Variants in MSRA observed in about 807,000 individuals in gnomAD.
The protein encoded by MSRA is mitochondrial peptide methionine sulfoxide reductase.
A neutral mutation model predicts 31.3 loss-of-function variants in MSRA; 54 were observed. That is an observed-to-expected ratio of 1.73 (90% CI 1.39 to 2.17). The LOEUF is 2.17. Ranked by LOEUF, MSRA falls within the 30% of genes most tolerant of loss-of-function variation. MSRA has a pLI of 0.00. For synonymous variants in MSRA, 169 were observed against 116.5 expected (o/e 1.45, Z -2.90); for missense variants, 507 against 300.9 (o/e 1.69, Z -5.07).
intron 1 of MSRA, among the ~76,000 whole-genome samples, chr8:10,158,035 G>A (rs1804305808): frequency 6.6e-6 from 1 of 152,178 alleles, no homozygotes; most frequent in African/African-American, 2.4e-5. Flanking sequence ...GGAGCCAGCA[G>A]ATTTGGTGTC....
chr8:10,120,823 A>C (rs749753618), intron 1 of MSRA, among the ~76,000 whole-genome samples: 1 of 152,098 alleles, frequency 6.6e-6, no homozygotes, highest in Non-Finnish European at 1.5e-5. Flanking sequence ...GCTAGCCTAC[A>C]TGGTTTCGGC....
chr8:10,412,138 T>G (rs1359270021), intron 5 of MSRA, among the ~76,000 whole-genome samples: 1 of 152,272 alleles, frequency 6.6e-6, no homozygotes, highest in Non-Finnish European at 1.5e-5. Context: ...AAGGGATTGA[T>G]GAATGATAGT....
intron 5 of MSRA, among the ~76,000 whole-genome samples, chr8:10,392,995 G>C (rs1310895663): frequency 2.7e-5 from 4 of 147,854 alleles, no homozygotes; most frequent in African/African-American, 1.0e-4. Flanking sequence ...CCGGGAGGCG[G>C]AGCTTGCAGT....
chr8:10,228,153 G>C (rs1811160141), intron 2 of MSRA, among the ~76,000 whole-genome samples: 1 of 152,064 alleles, frequency 6.6e-6, no homozygotes, highest in South Asian at 2.1e-4. Context: ...CTAGAGTTGA[G>C]CTCAGGATAT....
intron 1 of MSRA, among the ~76,000 whole-genome samples, chr8:10,123,852 C>G (rs983205897): frequency 6.6e-6 from 1 of 151,598 alleles, no homozygotes; most frequent in African/African-American, 2.4e-5. Flanking sequence ...ATCCATTGGT[C>G]TATGCTTTTT....
intron 1 of MSRA, among the ~76,000 whole-genome samples, chr8:10,160,049 A>G (rs1323505412): frequency 1.3e-5 from 2 of 152,258 alleles, no homozygotes; most frequent in African/African-American, 4.8e-5. Flanking sequence ...TGTTGAGATC[A>G]AGTGCTTTTC....
intron 5 of MSRA, among the ~76,000 whole-genome samples, chr8:10,382,874 G>C (rs1295787571): frequency 6.6e-6 from 1 of 152,188 alleles, no homozygotes; most frequent in Non-Finnish European, 1.5e-5. Flanking sequence ...GTCCACCTTA[G>C]ATAATACTCT....
intron 1 of MSRA, among the ~76,000 whole-genome samples, chr8:10,143,967 T>G (rs1802922425): frequency 6.6e-6 from 1 of 152,196 alleles, no homozygotes; most frequent in Non-Finnish European, 1.5e-5. Flanking sequence ...AAGACGCCAC[T>G]CCTGTTGAGG....
intron 5 of MSRA, among the ~76,000 whole-genome samples, chr8:10,330,176 A>G (rs929168464): frequency 6.8e-6 from 1 of 147,002 alleles, no homozygotes; most frequent in Non-Finnish European, 1.5e-5. Flanking sequence ...AAATTTCCCA[A>G]TAGGTTCATT....
intron 5 of MSRA, among the ~76,000 whole-genome samples, chr8:10,426,134 C>A (rs144240931): frequency 6.6e-6 from 1 of 152,330 alleles, no homozygotes; most frequent in South Asian, 2.1e-4. Flanking sequence ...TACTCCATTT[C>A]CAAGGAGGTC....
chr8:10,247,439 A>T (rs182776533), intron 3 of MSRA, among the ~76,000 whole-genome samples: 1 of 152,270 alleles, frequency 6.6e-6, no homozygotes, highest in East Asian at 1.9e-4. Flanking sequence ...ATTCTCTTTC[A>T]TATATGTCCC....
chr8:10,103,477 G>A (rs967420587), intron 1 of MSRA, among the ~76,000 whole-genome samples: 1 of 152,108 alleles, frequency 6.6e-6, no homozygotes, highest in African/African-American at 2.4e-5. Flanking sequence ...AAACTCTAAA[G>A]GTTGACTTTT....
intron 1 of MSRA, among the ~76,000 whole-genome samples, chr8:10,162,763 A>G (rs1353475433): frequency 6.6e-6 from 1 of 152,164 alleles, no homozygotes; most frequent in Admixed American, 6.5e-5. Flanking sequence ...AGAGGTAGGC[A>G]CTGAAACCAT....
intron 3 of MSRA, among the ~76,000 whole-genome samples, chr8:10,291,284 C>G (rs1800219624): frequency 6.6e-6 from 1 of 152,052 alleles, no homozygotes; most frequent in Non-Finnish European, 1.5e-5. Context: ...CATCGTGTCT[C>G]CCCATGGCGG....
At chr8:10,299,956 T>C (rs1424622818) in intron 3 of MSRA, among the ~76,000 whole-genome samples, 1 of 152,274 alleles carries the variant, frequency 6.6e-6, no homozygotes, top group Non-Finnish European at 1.5e-5. Flanking sequence ...TTCAGTCTAA[T>C]TGCCCAATGA....
At chr8:10,278,910 A>C (rs978064678) in intron 3 of MSRA, among the ~76,000 whole-genome samples, 1 of 152,168 alleles carries the variant, frequency 6.6e-6, no homozygotes. Context: ...TCTTACTGGC[A>C]CCATGTAGGT....
chr8:10,333,933 T>C (rs923340096), intron 5 of MSRA, among the ~76,000 whole-genome samples: 1 of 152,168 alleles, frequency 6.6e-6, no homozygotes, highest in Non-Finnish European at 1.5e-5. Flanking sequence ...AAAATACTTG[T>C]AAGCAGCATT....
At chr8:10,066,005 A>G (rs968030193) in intron 1 of MSRA, among the ~76,000 whole-genome samples, 1 of 148,842 alleles carries the variant, frequency 6.7e-6, no homozygotes, top group Non-Finnish European at 1.5e-5. Context: ...ATAATTATTA[A>G]TATAACTTAA....
intron 2 of MSRA, among the ~76,000 whole-genome samples, chr8:10,217,646 C>G (rs1308100496): frequency 6.6e-6 from 1 of 152,194 alleles, no homozygotes; most frequent in East Asian, 1.9e-4. Context: ...CATCCCCACT[C>G]CCTCCCCCTC....
Sources: allele counts gnomAD v4.1 joint callset (sites outside exome capture counted in the v4.1 genomes callset), GRCh38; gene constraint gnomAD v4.1.1; transcripts MANE v1.5; gene names NCBI Gene and HGNC (gene_info 2026-07-23, HGNC 2026-07-21).